RRH: variants seen among roughly 807,000 people sequenced by gnomAD.
The protein encoded by RRH is visual pigment-like receptor peropsin.
In RRH, 36 loss-of-function variants were observed where a neutral mutation model predicts 33.1. That is an observed-to-expected ratio of 1.09 (90% confidence interval 0.83 to 1.44). RRH has a LOEUF of 1.44. RRH is among the 40% of genes most tolerant of loss of function. The probability of loss-of-function intolerance (pLI) is 0.00; values close to 1 mark genes in which losing one functional copy is unlikely to be tolerated. For missense variants in RRH, 393 were observed against 420.2 expected, an observed-to-expected ratio of 0.94 and a Z score of 0.57; for synonymous variants, 124 against 140.2, an observed-to-expected ratio of 0.88 and a Z score of 0.82.
chr4:109,830,276 A>G (rs1047120062), intron 1 of RRH, among the ~76,000 whole-genome samples: 3 of 152,154 alleles, frequency 2.0e-5, no homozygotes, highest in Non-Finnish European at 2.9e-5. Flanking sequence ...CCAGACAGTG[A>G]TGAGCCGTGT....
At position 109,837,517 on chromosome 4, in the gene RRH, A is replaced by G. The variant is rs61738574; in HGVS notation, c.632A>G (p.His211Arg). The stretch of plus-strand genomic sequence containing the variant: ...ACAGTGATGTTTTACTGCTATTACC[A>G]TGTCACGCTATCCATTAAACATCAC... ...PLTVMFYCYY[H>R]VTLSIKHHTT... is the part of the protein sequence containing the mutation. Residue 211 changes from histidine to arginine, a missense_variant, in exon 5 of 7, where the codon CAT (histidine) becomes CGT (arginine). His to Arg is a conservative substitution (Grantham distance 29). Coordinates refer to ENST00000317735, the MANE Select transcript of RRH (RefSeq NM_006583.5). 6,230 of 1,613,642 alleles carry G rather than the reference A, an allele frequency of 3.9e-3. 13 individuals carry two copies. Among genetic ancestry groups the G allele is most frequent in the Non-Finnish European group, 4.6e-3 (5,374 of 1,179,538 alleles).
Position 109,828,062 on chromosome 4 carries a change from C to T in RRH, c.35C>T (p.Ser12Phe). 9 of 1,612,678 alleles carry T rather than the reference C, an allele frequency of 5.6e-6. No individual in the cohort carries two copies. Among genetic ancestry groups the T allele is most frequent in the Non-Finnish European group, 7.6e-6 (9 of 1,178,870 alleles). Reference sequence around the variant, plus strand: ...AATAATTTAGGCAACAGTTCAGACTCTAAAAATGAAGATGGCTCGGTCTTT... The same window carrying T: ...AATAATTTAGGCAACAGTTCAGACTTTAAAAATGAAGATGGCTCGGTCTTT... ...LRNNLGNSSD[S>F]KNEDGSVFSQ... The change falls in exon 1 of 7, where the codon TCT becomes TTT. Residue 12 changes from serine (S) to phenylalanine (F), a missense_variant. Physicochemically the swap from Ser to Phe is radical, Grantham distance 155 (BLOSUM62 -2). Coordinates refer to ENST00000317735, the MANE Select transcript of RRH (RefSeq NM_006583.5).
chr4:109,843,002 G>A (rs1398942220), intron 6 of RRH, among the ~76,000 whole-genome samples: 2 of 152,188 alleles, frequency 1.3e-5, no homozygotes, highest in East Asian at 3.9e-4. Context: ...TGGAATAGTG[G>A]TTTCCAAAGA....
Position 109,842,566 on chromosome 4 carries a change from C to T in RRH, c.818C>T (p.Pro273Leu). 6.2e-7 allele frequency: 1 copy of T among 1,613,874 alleles called. No homozygotes were observed. The highest frequency in any genetic ancestry group is 8.5e-7 in the Non-Finnish European group (1 of 1,179,802). ...ASFGDPKKIP[P>L]PMAIIAPLFA... Reference sequence around the variant, plus strand: ...TTTGGTGACCCAAAGAAGATTCCTCCCCCCATGGCCATCATAGCTCCACTG... The same window carrying T: ...TTTGGTGACCCAAAGAAGATTCCTCTCCCCATGGCCATCATAGCTCCACTG... Residue 273 changes from proline (P) to leucine (L), a missense_variant, in exon 6 of 7, where the codon CCC (proline) becomes CTC (leucine). By Grantham distance (98) the Pro-to-Leu change is moderately conservative. Transcript: ENST00000317735.
intron 6 of RRH, among the ~76,000 whole-genome samples, chr4:109,843,351 C>A (rs1433321630): frequency 4.6e-5 from 7 of 152,168 alleles, no homozygotes; most frequent in Non-Finnish European, 5.9e-5. Flanking sequence ...GCTGGGATTA[C>A]AGGTGCCCGC....
chr4:109,835,987 T>C lies in RRH; in HGVS notation c.398-20T>C, dbSNP rs1356067342. 7.4e-6 allele frequency: 12 copies of C among 1,613,970 alleles called. No homozygotes were observed. The highest frequency in any genetic ancestry group is 1.0e-5 in the Non-Finnish European group (12 of 1,179,944). Reference sequence around the variant, plus strand: ...CCATTAATGGCAAATGTTGCTAATATTTCCTGTGCTTGATAATAGGGAGAA... The same window carrying C: ...CCATTAATGGCAAATGTTGCTAATACTTCCTGTGCTTGATAATAGGGAGAA... On this transcript the variant is annotated intron_variant, in intron 3 of 6. Coordinates refer to ENST00000317735, the MANE Select transcript of RRH (RefSeq NM_006583.5).
chr4:109,828,422 T>G (rs1733682391), intron 1 of RRH, among the ~76,000 whole-genome samples: 2 of 152,160 alleles, frequency 1.3e-5, no homozygotes, highest in Non-Finnish European at 2.9e-5. Context: ...GAAGTGGGGC[T>G]GAGAAAAGTT....
Position 109,828,044 on chromosome 4 carries a change from T to C in RRH, c.17T>C (p.Leu6Ser). 1 of 1,610,244 alleles carries C rather than the reference T, an allele frequency of 6.2e-7. No homozygotes were observed. The highest frequency in any genetic ancestry group is 8.5e-7 in the Non-Finnish European group (1 of 1,176,690). Reference protein sequence around the residue: MLRNNLGNSSDSKNED... With the variant: MLRNNSGNSSDSKNED... Reference sequence around the variant, plus strand: ...CCCTCCAAAATGCTAAGAAATAATTTAGGCAACAGTTCAGACTCTAAAAAT... The same window carrying C: ...CCCTCCAAAATGCTAAGAAATAATTCAGGCAACAGTTCAGACTCTAAAAAT... The change falls in exon 1 of 7, where the codon TTA becomes TCA. Residue 6 changes from leucine to serine, a missense_variant. Leu to Ser is a moderately radical substitution (Grantham distance 145). Coordinates refer to ENST00000317735, the MANE Select transcript of RRH (RefSeq NM_006583.5).
intron 1 of RRH, among the ~76,000 whole-genome samples, chr4:109,828,751 T>C (rs544743310): frequency 6.6e-6 from 1 of 152,252 alleles, no homozygotes; most frequent in South Asian, 2.1e-4. Context: ...TATTTGCAAC[T>C]GTGAGCATGT....
chr4:109,833,542 CAAAG>C (rs889348111), intron 2 of RRH, among the ~76,000 whole-genome samples: 3 of 152,006 alleles, frequency 2.0e-5, no homozygotes, highest in African/African-American at 4.8e-5. Flanking sequence ...TCTCCCAACT[CAAAG>C]GAAGAAACAA....
At chr4:109,835,728 T>C (rs770153019) in intron 3 of RRH, among the ~76,000 whole-genome samples, 9 of 152,226 alleles carry the variant, frequency 5.9e-5, no homozygotes, top group Non-Finnish European at 1.3e-4. Context: ...TTTGGAAAGC[T>C]ACTCTTCCTG....
intron 5 of RRH, among the ~76,000 whole-genome samples, chr4:109,840,697 C>T (rs1447391380): frequency 6.7e-6 from 1 of 149,408 alleles, no homozygotes; most frequent in Non-Finnish European, 1.5e-5. Context: ...TTTATACTTC[C>T]TTCTGTTTAC....
intron 6 of RRH, 74 bp downstream of exon 6, chr4:109,842,721 G>A: frequency 7.4e-7 from 1 of 1,353,474 alleles, no homozygotes; most frequent in Non-Finnish European, 1.1e-6. Context: ...TCTTGGGAGA[G>A]AAGTGACAGA....
At chr4:109,841,302 G>A (rs1174612941) in intron 5 of RRH, among the ~76,000 whole-genome samples, 6 of 152,106 alleles carry the variant, frequency 3.9e-5, no homozygotes, top group African/African-American at 7.2e-5. Context: ...CTATCTCCAA[G>A]TTTTTTCACA....
chr4:109,833,258 A>T lies in RRH; in HGVS notation c.226A>T (p.Ser76Cys), dbSNP rs1402206509. ...NLAVTDIGVSSIGYPMSAASD... is the reference protein window; with the variant it reads ...NLAVTDIGVSCIGYPMSAASD... Reference sequence around the variant, plus strand: ...GGCTGTTACTGATATAGGGGTCAGTAGCATTGGCTATCCCATGTCTGCTGC... The same window carrying T: ...GGCTGTTACTGATATAGGGGTCAGTTGCATTGGCTATCCCATGTCTGCTGC... Residue 76 changes from serine to cysteine, a missense_variant, in exon 2 of 7, where the codon AGC (serine) becomes TGC (cysteine). Transcript: ENST00000317735. The T allele has an allele frequency of 2.4e-5, 38 of 1,614,004 alleles. No individual in the cohort carries two copies. Among genetic ancestry groups the T allele is most frequent in the Non-Finnish European group, 3.0e-5 (35 of 1,179,988 alleles).
chr4:109,831,610 A>G (rs1407988050), intron 1 of RRH, among the ~76,000 whole-genome samples: 1 of 152,154 alleles, frequency 6.6e-6, no homozygotes, highest in Non-Finnish European at 1.5e-5. Context: ...GATGGATGGC[A>G]TTTGGATAGG....
At chr4:109,833,475 G>A in intron 2 of RRH, 146 bp downstream of exon 2, 1 of 663,474 alleles carries the variant, frequency 1.5e-6, no homozygotes, top group Non-Finnish European at 2.6e-6. Context: ...AAGTGACTAG[G>A]AATATATTCT....
intron 2 of RRH, 127 bp from the exon 3 acceptor site, chr4:109,835,239 T>C (rs1220916294): frequency 1.5e-6 from 1 of 684,404 alleles, no homozygotes; most frequent in East Asian, 2.8e-5. Flanking sequence ...ACAATGAAGA[T>C]GTATTTTAAA....
At chr4:109,829,016 T>A (rs1162028028) in intron 1 of RRH, among the ~76,000 whole-genome samples, 1 of 152,138 alleles carries the variant, frequency 6.6e-6, no homozygotes, top group Non-Finnish European at 1.5e-5. Context: ...TGTGTAACTT[T>A]TATATTGAGC....
Sources: allele counts gnomAD v4.1 joint callset (sites outside exome capture counted in the v4.1 genomes callset), GRCh38; gene constraint gnomAD v4.1.1; transcripts MANE v1.5; gene names NCBI Gene and HGNC (gene_info 2026-07-23, HGNC 2026-07-21).